Variants in RAP1A observed in about 807,000 individuals in gnomAD.
RAP1A encodes RAP1A, member of RAS oncogene family.
Under a neutral mutation model 26.4 loss-of-function variants are expected in RAP1A, and 6 were observed. The observed-to-expected ratio is 0.23, with a 90% CI of 0.12 to 0.45. RAP1A has a LOEUF of 0.45. Ranked by LOEUF, RAP1A falls within the 20% of genes least tolerant of loss-of-function variation. RAP1A has a pLI of 0.99. For missense variants in RAP1A, 121 were observed against 217.2 expected, an observed-to-expected ratio of 0.56 and a Z score of 2.78; for synonymous variants, 73 against 79.4, an observed-to-expected ratio of 0.92 and a Z score of 0.43.
At chr1:111,677,909 T>C (rs1661176920) in intron 1 of RAP1A, among the ~76,000 whole-genome samples, 1 of 152,232 alleles carries the variant, frequency 6.6e-6, no homozygotes, top group African/African-American at 2.4e-5. Flanking sequence ...TTGAGAGCTG[T>C]CTTGCAGGAT....
chr1:111,580,871 A>AC lies in RAP1A; in HGVS notation c.-28+38362_-28+38363insC, dbSNP rs938229056. Among the ~76,000 whole-genome samples, 160 of 151,012 alleles carry AC rather than the reference A, an allele frequency of 1.1e-3. 2 individuals are homozygous for AC. The highest frequency in any genetic ancestry group is 1.8e-3 in the Non-Finnish European group (125 of 67,614). Reference sequence around the variant, plus strand: ...AAAACAAAAAAACAAAAAACAAAAAAAAAACAACAAAAAACAGAATAGACC... The same window carrying AC: ...AAAACAAAAAAACAAAAAACAAAAAACAAAACAACAAAAAACAGAATAGACC... On this transcript the variant is annotated intron_variant, in intron 1 of 7. Coordinates refer to the RAP1A transcript ENST00000356415.
chr1:111,580,865 CA>C (rs59640388), intron 1 of RAP1A, among the ~76,000 whole-genome samples: 7 of 145,216 alleles, frequency 4.8e-5, no homozygotes, highest in African/African-American at 1.8e-4. Context: ...AAACAAAAAA[CA>C]AAAAAAAAAC....
At chr1:111,643,689 G>A (rs565291385) in intron 1 of RAP1A, among the ~76,000 whole-genome samples, 1 of 152,108 alleles carries the variant, frequency 6.6e-6, no homozygotes, top group Non-Finnish European at 1.5e-5. Context: ...CTTTATTTCA[G>A]AGTCATAGCA....
At chr1:111,578,891 T>C (rs934532134) in intron 1 of RAP1A, among the ~76,000 whole-genome samples, 17 of 152,256 alleles carry the variant, frequency 1.1e-4, no homozygotes, top group African/African-American at 3.1e-4. Context: ...CTGCTGGGAT[T>C]TGATTAATTT....
intron 6 of RAP1A, among the ~76,000 whole-genome samples, chr1:111,707,064 G>C (rs1019414397): frequency 1.3e-5 from 2 of 152,172 alleles, no homozygotes; most frequent in Admixed American, 1.3e-4. Context: ...TTGTAAAACA[G>C]AAACTACAAT....
intron 1 of RAP1A, among the ~76,000 whole-genome samples, chr1:111,567,145 T>C (rs1657937140): frequency 6.6e-6 from 1 of 152,142 alleles, no homozygotes; most frequent in South Asian, 2.1e-4. Flanking sequence ...GTCCACCATT[T>C]AAAGCAGGAG....
At chr1:111,543,372 G>A (rs561632665) in intron 1 of RAP1A, among the ~76,000 whole-genome samples, 1 of 152,190 alleles carries the variant, frequency 6.6e-6, no homozygotes, top group Admixed American at 6.5e-5. Flanking sequence ...GCTGCCAAAA[G>A]GGAAAAACCA....
At chr1:111,666,624 TAATCA>T (rs996595112) in intron 1 of RAP1A, among the ~76,000 whole-genome samples, 1 of 149,196 alleles carries the variant, frequency 6.7e-6, no homozygotes, top group African/African-American at 2.4e-5. Context: ...CTAATTTAGG[TAATCA>T]AATCACAGAG....
At chr1:111,576,930 G>A (rs1174481905) in intron 1 of RAP1A, among the ~76,000 whole-genome samples, 1 of 152,122 alleles carries the variant, frequency 6.6e-6, no homozygotes, top group African/African-American at 2.4e-5. Context: ...CATCACCAAG[G>A]CTCTTACTAT....
intron 1 of RAP1A, among the ~76,000 whole-genome samples, chr1:111,593,261 T>A (rs1658502165): frequency 2.0e-5 from 3 of 152,216 alleles, no homozygotes; most frequent in African/African-American, 7.2e-5. Context: ...TTACAAGTTC[T>A]GAGTTGTAGG....
intron 1 of RAP1A, among the ~76,000 whole-genome samples, chr1:111,656,372 T>C (rs910272134): frequency 1.3e-5 from 2 of 152,202 alleles, no homozygotes; most frequent in African/African-American, 2.4e-5. Flanking sequence ...GATTAATAAG[T>C]ATCTACTATA....
chr1:111,587,439 C>A (rs1234812591), intron 1 of RAP1A, among the ~76,000 whole-genome samples: 1 of 152,152 alleles, frequency 6.6e-6, no homozygotes, highest in African/African-American at 2.4e-5. Context: ...CCTCTCAGGA[C>A]ATTTTCTCTA....
chr1:111,582,516 A>G (rs1658277127), intron 1 of RAP1A, among the ~76,000 whole-genome samples: 2 of 152,206 alleles, frequency 1.3e-5, no homozygotes, highest in Admixed American at 1.3e-4. Flanking sequence ...GACAGCAAAA[A>G]CGAGCTATGT....
intron 1 of RAP1A, among the ~76,000 whole-genome samples, chr1:111,572,165 G>A (rs774859668): frequency 3.0e-4 from 46 of 152,332 alleles, no homozygotes; most frequent in Non-Finnish European, 2.8e-4. Context: ...GGTATGCTGC[G>A]GCAATCAATT....
At chr1:111,580,544 AAGATCAAGACTAGAG>A (rs1353442127) in intron 1 of RAP1A, among the ~76,000 whole-genome samples, 1 of 152,196 alleles carries the variant, frequency 6.6e-6, no homozygotes, top group Admixed American at 6.5e-5. Flanking sequence ...CAGAAGAGAG[AAGATCAAGACTAGAG>A]CCCTAGTTGC....
At chr1:111,700,473 G>A (rs1474654717) in intron 4 of RAP1A, among the ~76,000 whole-genome samples, 1 of 152,080 alleles carries the variant, frequency 6.6e-6, no homozygotes, top group Non-Finnish European at 1.5e-5. Flanking sequence ...ATAATTGTGA[G>A]GATAGCACCA....
At chr1:111,594,839 T>G (rs1187795417) in intron 1 of RAP1A, among the ~76,000 whole-genome samples, 1 of 152,196 alleles carries the variant, frequency 6.6e-6, no homozygotes, top group East Asian at 1.9e-4. Flanking sequence ...AAGTTTATAG[T>G]TTAAGACTAT....
chr1:111,706,040 T>C lies in RAP1A; in HGVS notation c.468+1554T>C, dbSNP rs74109860. ...TGCTATTAAACTTCCTCTGGATTAGTTTCCAATGCAGCAGAGATACTTTTT... is the reference window on the plus strand; with the variant it reads ...TGCTATTAAACTTCCTCTGGATTAGCTTCCAATGCAGCAGAGATACTTTTT... On this transcript the variant is annotated intron_variant, in intron 6 of 7. Coordinates refer to ENST00000369709, the MANE Select transcript of RAP1A (RefSeq NM_002884.4). 1.5e-3 allele frequency among the ~76,000 whole-genome samples: 233 copies of C among 152,320 alleles called. 1 individual carries two copies. The highest frequency in any genetic ancestry group is 6.8e-3 in the Middle Eastern group (2 of 294).
At chr1:111,691,560 A>G (rs1296711572) in intron 2 of RAP1A, 143 bp downstream of exon 2, 3 of 698,224 alleles carry the variant, frequency 4.3e-6, no homozygotes, top group Non-Finnish European at 7.3e-6. Context: ...ACAGGAAATC[A>G]TTTAATAACC....
Sources: allele counts gnomAD v4.1 joint callset (sites outside exome capture counted in the v4.1 genomes callset), GRCh38; gene constraint gnomAD v4.1.1; transcripts MANE v1.5; gene names NCBI Gene and HGNC (gene_info 2026-07-23, HGNC 2026-07-21).